The following SHISA9 variants were observed in gnomAD, a reference collection of about 807,000 sequenced individuals.
The protein encoded by SHISA9 is protein shisa-9.
SHISA9 carries 13 observed loss-of-function variants against 38.0 expected under a neutral mutation model. The observed-to-expected ratio is 0.34, with a 90% CI of 0.22 to 0.54. The LOEUF (loss-of-function observed/expected upper bound fraction) is 0.54. SHISA9 is among the 20% of genes least tolerant of loss of function. The pLI is 0.91. For missense variants in SHISA9, 538 were observed against 575.8 expected (o/e 0.93, Z 0.67); for synonymous variants, 275 against 242.0 (o/e 1.14, Z -1.27).
the SHISA9 span, among the ~76,000 whole-genome samples, chr16:13,317,819 T>A: frequency 3.3e-5 from 5 of 152,210 alleles, no homozygotes; most frequent in African/African-American, 1.2e-4. Flanking sequence ...TGCCTACAAC[T>A]TCATGATTTT....
chr16:13,304,788 T>C, the SHISA9 span, among the ~76,000 whole-genome samples: 2 of 152,172 alleles, frequency 1.3e-5, no homozygotes, highest in African/African-American at 2.4e-5. Context: ...AAATACCAAA[T>C]AAGTGAATGA....
chr16:13,502,601 G>A, the SHISA9 span, among the ~76,000 whole-genome samples: 11 of 152,252 alleles, frequency 7.2e-5, no homozygotes, highest in Admixed American at 2.0e-4. Flanking sequence ...CAGGCCGGGC[G>A]CGGTGGCTCA....
the SHISA9 span, among the ~76,000 whole-genome samples, chr16:13,253,234 T>G: frequency 6.6e-6 from 1 of 152,220 alleles, no homozygotes; most frequent in Non-Finnish European, 1.5e-5. Context: ...AATTTTGGAA[T>G]AGTCGAAAGT....
At chr16:13,260,119 C>T in the SHISA9 span, among the ~76,000 whole-genome samples, 6 of 140,008 alleles carry the variant, frequency 4.3e-5, no homozygotes, top group Non-Finnish European at 9.1e-5. Flanking sequence ...TGGGTTCATG[C>T]CATTCTCCTG....
the SHISA9 span, among the ~76,000 whole-genome samples, chr16:13,314,080 C>T: frequency 6.6e-6 from 1 of 152,298 alleles, no homozygotes; most frequent in South Asian, 2.1e-4. Context: ...TTCTCTTCTA[C>T]TGCAAAGGGA....
intron 4 of SHISA9, among the ~76,000 whole-genome samples, chr16:13,224,090 T>TAG: frequency 6.6e-6 from 1 of 152,172 alleles, no homozygotes; most frequent in East Asian, 1.9e-4. Context: ...TTGAAGGGGA[T>TAG]AGCAAATGTA....
chr16:13,517,703 G>A, the SHISA9 span, among the ~76,000 whole-genome samples: 4 of 152,184 alleles, frequency 2.6e-5, no homozygotes, highest in Non-Finnish European at 5.9e-5. Flanking sequence ...TGGCAGAAAA[G>A]AGAAGGACCT....
intron 2 of SHISA9, among the ~76,000 whole-genome samples, chr16:13,107,383 C>A (rs368067667): frequency 1.3e-5 from 2 of 151,472 alleles, no homozygotes; most frequent in South Asian, 4.2e-4. Flanking sequence ...TGCAGTGAGC[C>A]GAGATTGCAC....
At chr16:13,545,531 C>A in the SHISA9 span, among the ~76,000 whole-genome samples, 1 of 152,172 alleles carries the variant, frequency 6.6e-6, no homozygotes, top group South Asian at 2.1e-4. Context: ...CCCCTCCACC[C>A]CTGAGCATGG....
At chr16:13,250,008 G>A in the SHISA9 span, among the ~76,000 whole-genome samples, 2 of 152,150 alleles carry the variant, frequency 1.3e-5, no homozygotes, top group Non-Finnish European at 2.9e-5. Context: ...AGCTGGGACT[G>A]CAGGTGTGTG....
the SHISA9 span, among the ~76,000 whole-genome samples, chr16:13,375,459 T>C: frequency 6.6e-6 from 1 of 152,136 alleles, no homozygotes; most frequent in Non-Finnish European, 1.5e-5. Context: ...TTTTGTCAGG[T>C]TTGTCAAAGA....
the SHISA9 span, among the ~76,000 whole-genome samples, chr16:13,263,331 TGGGGCCTGGTGGGA>T: frequency 6.6e-6 from 1 of 152,102 alleles, no homozygotes; most frequent in Non-Finnish European, 1.5e-5. Context: ...ATGTTGGAGG[TGGGGCCTGGTGGGA>T]GGAGACTGGA....
chr16:13,111,935 C>G (rs1210680554), intron 2 of SHISA9, among the ~76,000 whole-genome samples: 1 of 152,132 alleles, frequency 6.6e-6, no homozygotes, highest in Non-Finnish European at 1.5e-5. Context: ...GATGAGAAAA[C>G]TGAGGCTCAG....
the SHISA9 span, among the ~76,000 whole-genome samples, chr16:13,551,726 GA>G: frequency 5.5e-3 from 829 of 152,094 alleles, 7 homozygotes; most frequent in Non-Finnish European, 8.3e-3. Flanking sequence ...GTGATCAGGT[GA>G]AAAAAAAGTA....
chr16:13,119,123 C>T (rs2074060808), intron 2 of SHISA9, among the ~76,000 whole-genome samples: 1 of 152,258 alleles, frequency 6.6e-6, no homozygotes, highest in African/African-American at 2.4e-5. Context: ...CCACTTCGGC[C>T]TCCCAAAGTG....
At chr16:13,461,768 C>G in the SHISA9 span, among the ~76,000 whole-genome samples, 4 of 151,356 alleles carry the variant, frequency 2.6e-5, no homozygotes, top group East Asian at 8.1e-4. Flanking sequence ...CGCCCGCCAC[C>G]ACGCCCAGCT....
At chr16:13,058,132 G>T (rs539235278) in intron 2 of SHISA9, among the ~76,000 whole-genome samples, 1 of 152,192 alleles carries the variant, frequency 6.6e-6, no homozygotes, top group South Asian at 2.1e-4. Context: ...CAATAGGGCT[G>T]GGGTGGGACA....
At chr16:13,473,408 C>G in the SHISA9 span, among the ~76,000 whole-genome samples, 1,644 of 121,782 alleles carry the variant, frequency 0.013, 21 homozygotes, top group African/African-American at 0.045. Context: ...TAAACCTAGT[C>G]CCTGTTAATC....
chr16:13,416,791 G>GGGAAGGAAGGAAGGAAGGAA, the SHISA9 span, among the ~76,000 whole-genome samples: 4 of 72,968 alleles, frequency 5.5e-5, no homozygotes, highest in Non-Finnish European at 8.2e-5. Context: ...AAGGAAGGAA[G>GGGAAGGAAGGAAGGAAGGAA]GGAAGGAAGG....
Sources: allele counts gnomAD v4.1 joint callset (sites outside exome capture counted in the v4.1 genomes callset), GRCh38; gene constraint gnomAD v4.1.1; transcripts MANE v1.5; gene names NCBI Gene and HGNC (gene_info 2026-07-23, HGNC 2026-07-21).